The following GDAP2 variants were observed in gnomAD, a reference collection of about 807,000 sequenced individuals.
GDAP2 encodes ganglioside-induced differentiation-associated protein 2.
A neutral mutation model predicts 67.0 loss-of-function variants in GDAP2; 51 were observed. That is an observed-to-expected ratio of 0.76 (90% CI 0.61 to 0.96). The LOEUF (loss-of-function observed/expected upper bound fraction) is 0.96. Among genes scored for constraint, GDAP2 ranks in the 40% least tolerant of loss-of-function variants. The pLI, the probability that GDAP2 is intolerant of heterozygous loss-of-function variation, is 0.00. For missense variants in GDAP2, 547 were observed against 588.3 expected (o/e 0.93, Z 0.73); for synonymous variants, 203 against 207.3 (o/e 0.98, Z 0.18).
intron 8 of GDAP2, among the ~76,000 whole-genome samples, chr1:117,890,670 G>A (rs1057272081): frequency 2.6e-5 from 4 of 151,788 alleles, no homozygotes; most frequent in Admixed American, 6.6e-5. Flanking sequence ...ACTTCCCACC[G>A]TTATCTGGAA....
At position 117,878,143 on chromosome 1, in the gene GDAP2, A is replaced by G; in HGVS notation, c.1312T>C (p.Trp438Arg). The G allele has an allele frequency of 1.3e-6, 2 of 1,571,628 alleles. No homozygotes were observed. Among genetic ancestry groups the G allele is most frequent in the African/African-American group, 1.4e-5 (1 of 74,066 alleles). The change falls in exon 13 of 14, where the codon TGG becomes CGG. Residue 438 changes from tryptophan (W) to arginine (R), a missense_variant. Trp to Arg is a moderately radical substitution (Grantham distance 101). Transcript: ENST00000369443. Reference protein sequence around the residue: ...HPTFRSKVSTWFFTTFSVSGL... With the variant: ...HPTFRSKVSTRFFTTFSVSGL... ...GAGACAGAAAAGGTGGTAAAAAACC[A>G]TGTTGACACCTGATTAATAGAAGAG...
Position 117,864,039 on chromosome 1 carries a change from T to TG in GDAP2, c.*6529dup, listed in dbSNP as rs1178602035. The stretch of plus-strand genomic sequence containing the variant: ...TCAGAAGCCAAAGCGCCAATGCTAC[T>TG]GACCACTAAATTGTTGCTTCTTAAA... On this transcript the variant is annotated 3_prime_UTR_variant, in exon 14 of 14. Transcript: ENST00000369443. 1 of 152,256 alleles carries TG rather than the reference T, an allele frequency of 6.6e-6. No individual in the cohort carries two copies. Among genetic ancestry groups the TG allele is most frequent in the Admixed American group, 6.5e-5 (1 of 15,280 alleles). 9.4% of individuals were successfully genotyped at this position (152,256 alleles called of 1,614,324 possible).
intron 1 of GDAP2, among the ~76,000 whole-genome samples, chr1:117,924,473 T>A (rs552634185): frequency 7.9e-4 from 121 of 152,210 alleles, no homozygotes; most frequent in Non-Finnish European, 1.4e-3. Context: ...CATGAAGTTT[T>A]TTGAGAAGTT....
chr1:117,899,712 T>G (rs534376825), intron 6 of GDAP2, among the ~76,000 whole-genome samples: 1 of 152,332 alleles, frequency 6.6e-6, no homozygotes, highest in African/African-American at 2.4e-5. Flanking sequence ...AGAATAAAAC[T>G]CATCTTATCT....
At position 117,887,744 on chromosome 1, in the gene GDAP2, AGATCTTGCTT is replaced by A; in HGVS notation, c.974_983del (p.Gln325LeufsTer10). On this transcript the variant is annotated frameshift_variant, in exon 9 of 14. Transcript: ENST00000369443. LOFTEE classifies it high-confidence loss of function. ...GAGAAGCAATATCAGACAGATCCTC[AGATCTTGCTT>A]GACATAACCAGCGATTATAACTAGG... 6.3e-7 allele frequency: 1 copy of A among 1,579,066 alleles called. No individual in the cohort carries two copies. The highest frequency in any genetic ancestry group is 8.7e-7 in the Non-Finnish European group (1 of 1,148,730).
At position 117,899,230 on chromosome 1, in the gene GDAP2, G is replaced by A; in HGVS notation, c.637-14C>T. 2.5e-6 allele frequency: 4 copies of A among 1,592,440 alleles called. No homozygotes were observed. Among genetic ancestry groups the A allele is most frequent in the Non-Finnish European group, 2.6e-6 (3 of 1,160,352 alleles). ...TTGGTAAGTACCCTGTGTCAGAAAAGCAAGACATTCTGTGAAAAATAGAAC... is the reference window on the plus strand; with the variant it reads ...TTGGTAAGTACCCTGTGTCAGAAAAACAAGACATTCTGTGAAAAATAGAAC... On this transcript the variant is annotated splice_polypyrimidine_tract_variant and intron_variant, in intron 6 of 13. Coordinates refer to ENST00000369443, the MANE Select transcript of GDAP2 (RefSeq NM_017686.4).
At chr1:117,872,365 A>G (rs1375954578) in intron 13 of GDAP2, among the ~76,000 whole-genome samples, 1 of 152,186 alleles carries the variant, frequency 6.6e-6, no homozygotes, top group Non-Finnish European at 1.5e-5. Flanking sequence ...AATATAAACC[A>G]TTCTATTATA....
chr1:117,926,202 T>G (rs1025739852), intron 1 of GDAP2, among the ~76,000 whole-genome samples: 2 of 152,252 alleles, frequency 1.3e-5, no homozygotes, highest in African/African-American at 4.8e-5. Flanking sequence ...GCTTCCGCTC[T>G]ACAGCTATAC....
intron 8 of GDAP2, among the ~76,000 whole-genome samples, chr1:117,896,420 G>A (rs1037823180): frequency 1.3e-5 from 2 of 152,340 alleles, no homozygotes. Flanking sequence ...CTTCGGATAA[G>A]TCAGGGAGAA....
At chr1:117,908,298 C>T (rs1167385428) in intron 5 of GDAP2, among the ~76,000 whole-genome samples, 2 of 151,968 alleles carry the variant, frequency 1.3e-5, no homozygotes, top group Non-Finnish European at 1.5e-5. Context: ...GCACACCTTA[C>T]GGATGTGATA....
At chr1:117,891,305 G>A (rs1179261903) in intron 8 of GDAP2, among the ~76,000 whole-genome samples, 1 of 151,654 alleles carries the variant, frequency 6.6e-6, no homozygotes, top group Non-Finnish European at 1.5e-5. Context: ...GTACCAATGA[G>A]TGAAAGTGCT....
Position 117,906,533 on chromosome 1 carries a change from T to C in GDAP2, c.609A>G (p.Val203=). ...CTTCAAGATCAGAGACAGCAAATAC[T>C]ACTTTTTCAATGGTTTCCCCATGAA... ...LEIHGETIEK[V]VFAVSDLEEG... is the part of the protein sequence containing the mutation. Residue 203 remains valine (V), a synonymous_variant, in exon 6 of 14, where the codon GTA becomes GTG. Transcript: ENST00000369443. 1.3e-6 allele frequency: 2 copies of C among 1,576,422 alleles called. No individual in the cohort carries two copies. Among genetic ancestry groups the C allele is most frequent in the Non-Finnish European group, 1.7e-6 (2 of 1,148,492 alleles).
At chr1:117,910,171 C>A (rs887699414) in intron 5 of GDAP2, among the ~76,000 whole-genome samples, 2 of 152,080 alleles carry the variant, frequency 1.3e-5, no homozygotes, top group Admixed American at 6.5e-5. Flanking sequence ...GTATAACAGA[C>A]AGGTTACTAG....
chr1:117,917,609 C>T (rs1650095622), intron 3 of GDAP2, among the ~76,000 whole-genome samples: 1 of 152,168 alleles, frequency 6.6e-6, no homozygotes, highest in Non-Finnish European at 1.5e-5. Context: ...GTGAAGTAAC[C>T]AGTCTTAAGT....
intron 1 of GDAP2, among the ~76,000 whole-genome samples, chr1:117,928,862 A>G (rs557142466): frequency 1.4e-4 from 21 of 152,360 alleles, no homozygotes; most frequent in African/African-American, 4.6e-4. Context: ...AGTAGCAGAA[A>G]TGCAAGAGAG....
chr1:117,900,410 C>T (rs1321493434), intron 6 of GDAP2, among the ~76,000 whole-genome samples: 3 of 152,166 alleles, frequency 2.0e-5, no homozygotes, highest in Non-Finnish European at 4.4e-5. Context: ...CTCCCTCTCC[C>T]ACACCTGGCA....
chr1:117,924,042 T>A (rs1650354209), intron 1 of GDAP2, among the ~76,000 whole-genome samples: 1 of 152,368 alleles, frequency 6.6e-6, no homozygotes, highest in Non-Finnish European at 1.5e-5. Context: ...TTCTTGTTAG[T>A]AGTCAGTTCT....
At chr1:117,900,105 T>C (rs1242021489) in intron 6 of GDAP2, among the ~76,000 whole-genome samples, 1 of 152,166 alleles carries the variant, frequency 6.6e-6, no homozygotes, top group South Asian at 2.1e-4. Flanking sequence ...AGAATTCACA[T>C]ACCATAAAAT....
intron 12 of GDAP2, 65 bp from the exon 13 acceptor site, chr1:117,878,217 T>G: frequency 1.2e-6 from 1 of 846,598 alleles, no homozygotes; most frequent in Non-Finnish European, 1.8e-6. Context: ...AAACACAATT[T>G]GGAAAATTTA....
Sources: gnomAD v4.1 joint callset for allele counts (sites outside exome capture counted in the v4.1 genomes callset) on GRCh38, gnomAD v4.1.1 for gene constraint, MANE v1.5 for transcripts, NCBI Gene and HGNC (gene_info 2026-07-23, HGNC 2026-07-21) for gene names.